ROR2: variants seen among roughly 807,000 people sequenced by gnomAD.
ROR2 encodes ROR family WNT receptor 2.
A neutral mutation model predicts 74.9 loss-of-function variants in ROR2; 33 were observed. The ratio of observed to expected loss-of-function variants is 0.44; its 90% CI spans 0.33 to 0.59. The LOEUF is 0.59. ROR2 is among the 20% of genes least tolerant of loss of function. ROR2 has a pLI of 0.02. For synonymous variants in ROR2, 586 were observed against 558.7 expected, an observed-to-expected ratio of 1.05 and a Z score of -0.69; for missense variants, 1,216 against 1,313.8, an observed-to-expected ratio of 0.93 and a Z score of 1.15.
At chr9:91,920,804 T>C (rs1424528373) in intron 1 of ROR2, among the ~76,000 whole-genome samples, 4 of 152,208 alleles carry the variant, frequency 2.6e-5, no homozygotes, top group Non-Finnish European at 2.9e-5. Flanking sequence ...GAGACCCCAC[T>C]ATGGGGCACA....
At chr9:91,949,775 G>A in intron 1 of ROR2, 92 bp downstream of exon 1, 1 of 839,864 alleles carries the variant, frequency 1.2e-6, no homozygotes, top group Non-Finnish European at 2.0e-6. Context: ...ATGGGCGCCG[G>A]CGCAGCGGCC....
intron 1 of ROR2, among the ~76,000 whole-genome samples, chr9:91,935,332 T>C (rs1226491962): frequency 6.6e-6 from 1 of 152,196 alleles, no homozygotes; most frequent in Non-Finnish European, 1.5e-5. Flanking sequence ...CTCACCTCTT[T>C]TTCTGTCCAC....
intron 2 of ROR2, among the ~76,000 whole-genome samples, chr9:91,760,007 T>C (rs1825864884): frequency 6.6e-6 from 1 of 152,204 alleles, no homozygotes; most frequent in South Asian, 2.1e-4. Flanking sequence ...CTAGATTATA[T>C]CCACAGTATC....
chr9:91,911,459 G>A lies in ROR2; in HGVS notation c.97+38408C>T, dbSNP rs73520852. Among the ~76,000 whole-genome samples the A allele has an allele frequency of 2.8e-3, 427 of 152,216 alleles. 1 individual carries two copies. Among genetic ancestry groups the A allele is most frequent in the African/African-American group, 9.9e-3 (409 of 41,516 alleles). ...AGTGCAGTTAAAATATGATATAATC[G>A]TATGAGACCACCATTGTATATGTGG... On this transcript the variant is annotated intron_variant, in intron 1 of 8. Coordinates refer to ENST00000375708, the MANE Select transcript of ROR2 (RefSeq NM_004560.4).
At chr9:91,949,163 G>A (rs1290747249) in intron 1 of ROR2, among the ~76,000 whole-genome samples, 2 of 151,690 alleles carry the variant, frequency 1.3e-5, no homozygotes, top group African/African-American at 4.8e-5. Context: ...AGCCGCTCAG[G>A]GACCCGCGAT....
intron 1 of ROR2, among the ~76,000 whole-genome samples, chr9:91,920,323 T>C (rs748478775): frequency 1.4e-4 from 22 of 152,094 alleles, no homozygotes; most frequent in Non-Finnish European, 3.1e-4. Context: ...CCTGGCAACA[T>C]AGCGAGACAC....
At chr9:91,927,049 A>G (rs143901135) in intron 1 of ROR2, among the ~76,000 whole-genome samples, 44 of 147,656 alleles carry the variant, frequency 3.0e-4, no homozygotes, top group African/African-American at 8.2e-4. Context: ...GAAAAAAATA[A>G]CACGTTTTTT....
chr9:91,748,393 C>T (rs1174923160), intron 4 of ROR2, among the ~76,000 whole-genome samples: 1 of 152,046 alleles, frequency 6.6e-6, no homozygotes, highest in Non-Finnish European at 1.5e-5. Context: ...ACAATGTACA[C>T]ATATATCAAA....
intron 1 of ROR2, among the ~76,000 whole-genome samples, chr9:91,914,318 A>C (rs570438879): frequency 6.6e-6 from 1 of 152,222 alleles, no homozygotes; most frequent in South Asian, 2.1e-4. Context: ...AATTTAGTTC[A>C]GAAAATCGAA....
At chr9:91,942,083 C>G (rs1303251126) in intron 1 of ROR2, among the ~76,000 whole-genome samples, 1 of 152,206 alleles carries the variant, frequency 6.6e-6, no homozygotes, top group Non-Finnish European at 1.5e-5. Flanking sequence ...GCCACCACAC[C>G]AGGCCCCTGT....
chr9:91,948,953 G>A, intron 1 of ROR2: 3 of 981,796 alleles, frequency 3.1e-6, no homozygotes, highest in Non-Finnish European at 3.6e-6. Context: ...GGCAACCTAG[G>A]CAGGTCCCAA....
intron 1 of ROR2, among the ~76,000 whole-genome samples, chr9:91,825,270 G>C (rs1452528099): frequency 6.6e-6 from 1 of 152,188 alleles, no homozygotes; most frequent in Non-Finnish European, 1.5e-5. Flanking sequence ...CTTGGGAGCA[G>C]ATGCTCCCAG....
Position 91,926,473 on chromosome 9 carries a change from G to A in ROR2, c.97+23394C>T, listed in dbSNP as rs538052269. Among the ~76,000 whole-genome samples the A allele has an allele frequency of 2.7e-5, 4 of 150,914 alleles. No homozygotes were observed. In the South Asian group the frequency reaches 8.4e-4, roughly 32 times the overall value. On this transcript the variant is annotated intron_variant, in intron 1 of 8. Coordinates refer to ENST00000375708, the MANE Select transcript of ROR2 (RefSeq NM_004560.4). ...AAGCTGGAGAATTGCTTGAACCCGGGAGGTGGAGGTAGCAGTGAGCCAAGA... is the reference window on the plus strand; with the variant it reads ...AAGCTGGAGAATTGCTTGAACCCGGAAGGTGGAGGTAGCAGTGAGCCAAGA...
intron 2 of ROR2, among the ~76,000 whole-genome samples, chr9:91,762,525 T>A (rs1204809687): frequency 1.3e-5 from 2 of 152,360 alleles, no homozygotes; most frequent in South Asian, 2.1e-4. Flanking sequence ...AACACAGCTA[T>A]CAAACAATAA....
At chr9:91,772,510 G>T (rs959705686) in intron 2 of ROR2, among the ~76,000 whole-genome samples, 7 of 152,212 alleles carry the variant, frequency 4.6e-5, no homozygotes, top group Admixed American at 3.9e-4. Context: ...CCCAGGCTCA[G>T]AACTGTGATA....
intron 2 of ROR2, among the ~76,000 whole-genome samples, chr9:91,764,084 C>T (rs1240776611): frequency 6.6e-6 from 1 of 152,138 alleles, no homozygotes; most frequent in East Asian, 1.9e-4. Flanking sequence ...TTTAGTAATT[C>T]TGTCAAGTTG....
intron 1 of ROR2, among the ~76,000 whole-genome samples, chr9:91,888,026 G>A (rs185842110): frequency 2.6e-4 from 40 of 152,076 alleles, no homozygotes; most frequent in African/African-American, 5.8e-4. Flanking sequence ...TCCTGACCTC[G>A]TGATCTGCCC....
At position 91,744,994 on chromosome 9, in the gene ROR2, C is replaced by T. The variant is rs191281893; in HGVS notation, c.495-7476G>A. ...AGCTAGCCCCTGGAATCCACGGGCT[C>T]GGGTGGAAACAAAACAACCTAAAGC... On this transcript the variant is annotated intron_variant, in intron 4 of 8. Transcript: ENST00000375708. Among the ~76,000 whole-genome samples the T allele has an allele frequency of 4.6e-5, 7 of 152,180 alleles. 1 individual carries two copies. The highest frequency in any genetic ancestry group is 3.3e-4 in the Admixed American group (5 of 15,278).
chr9:91,886,947 C>A (rs1231994143), intron 1 of ROR2: 1 of 152,194 alleles, frequency 6.6e-6, no homozygotes, highest in Non-Finnish European at 1.5e-5. Flanking sequence ...AGACTGCCTG[C>A]CGTGTCTTTT....
Sources: gnomAD v4.1 joint callset for allele counts (sites outside exome capture counted in the v4.1 genomes callset) on GRCh38, gnomAD v4.1.1 for gene constraint, MANE v1.5 for transcripts, NCBI Gene and HGNC (gene_info 2026-07-23, HGNC 2026-07-21) for gene names.